The following REEP5 variants were observed in gnomAD, a reference collection of about 807,000 sequenced individuals.
REEP5 encodes the protein receptor expression-enhancing protein 5.
REEP5 carries 24 observed loss-of-function variants against 22.4 expected under a neutral mutation model. The ratio of observed to expected loss-of-function variants is 1.07; its 90% CI spans 0.78 to 1.51. The LOEUF (loss-of-function observed/expected upper bound fraction) is 1.51. Ranked by LOEUF, REEP5 falls within the 40% of genes most tolerant of loss-of-function variation. The pLI is 0.00. For synonymous variants in REEP5, 103 were observed against 88.6 expected, an observed-to-expected ratio of 1.16 and a Z score of -0.92; for missense variants, 252 against 233.0, an observed-to-expected ratio of 1.08 and a Z score of -0.53.
chr5:112,914,523 T>G (rs1769189914), intron 2 of REEP5, among the ~76,000 whole-genome samples: 1 of 152,078 alleles, frequency 6.6e-6, no homozygotes, highest in Non-Finnish European at 1.5e-5. Flanking sequence ...TTTGAATGAT[T>G]GATGGTAAAA....
At chr5:112,921,956 G>A (rs1769382661) in intron 1 of REEP5, 117 bp downstream of exon 1, 5 of 1,290,764 alleles carry the variant, frequency 3.9e-6, no homozygotes, top group East Asian at 5.9e-5. Flanking sequence ...TATGCTGCTT[G>A]TCCCGTCTGT....
intron 2 of REEP5, among the ~76,000 whole-genome samples, chr5:112,919,899 A>T (rs1769314289): frequency 6.6e-6 from 1 of 152,208 alleles, no homozygotes; most frequent in Non-Finnish European, 1.5e-5. Flanking sequence ...ACTAAAGACC[A>T]CCATTTTCAA....
At position 112,910,953 on chromosome 5, in the gene REEP5, T is replaced by C. The variant is rs191222044; in HGVS notation, c.213-8435A>G. On this transcript the variant is annotated intron_variant, in intron 2 of 4. Coordinates refer to ENST00000379638, the MANE Select transcript of REEP5 (RefSeq NM_005669.5). ...GTACAAATCCACCATGGTAATCCCA[T>C]TGCTTTTTGCTAGATACTGACTTTC... 2.0e-3 allele frequency among the ~76,000 whole-genome samples: 308 copies of C among 152,326 alleles called. 1 individual carries two copies. The highest frequency in any genetic ancestry group is 7.1e-3 in the African/African-American group (296 of 41,586).
rs369321028 is a variant in REEP5, at chr5:112,922,224, T to C, written c.-34A>G. On this transcript the variant is annotated 5_prime_UTR_variant, in exon 1 of 5. Transcript: ENST00000379638. ...CCGTCTCGCCGCTCGGGGCTGTTCC[T>C]AGTGCCGGATAGACTGGAGCGGCGA... is the stretch of plus-strand genomic sequence containing the variant. 36 of 1,576,408 alleles carry C rather than the reference T, an allele frequency of 2.3e-5. No homozygotes were observed. Among genetic ancestry groups the C allele is most frequent in the Non-Finnish European group, 2.8e-5 (33 of 1,161,840 alleles).
Position 112,879,714 on chromosome 5 carries a change from G to A in REEP5, c.521-879C>T, listed in dbSNP as rs977832905. Among the ~76,000 whole-genome samples, 6 of 152,104 alleles carry A rather than the reference G, an allele frequency of 3.9e-5. No homozygotes were observed. The East Asian group carries it at 9.8e-4, about 25-fold the overall frequency. On this transcript the variant is annotated intron_variant, in intron 4 of 4. Coordinates refer to ENST00000379638, the MANE Select transcript of REEP5 (RefSeq NM_005669.5). ...GATGGTCTCAATTTCCTGACCTCGT[G>A]ATCTGCCCGCCTTGGCCTCCCAAAG...
chr5:112,888,590 AT>A (rs199634306), intron 3 of REEP5, among the ~76,000 whole-genome samples: 1 of 120,076 alleles, frequency 8.3e-6, no homozygotes, highest in Non-Finnish European at 1.7e-5. Flanking sequence ...GGCCTGGCTA[AT>A]TTTTTATAAC....
chr5:112,888,853 A>T (rs907788236), intron 3 of REEP5, among the ~76,000 whole-genome samples: 1 of 150,596 alleles, frequency 6.6e-6, no homozygotes, highest in Non-Finnish European at 1.5e-5. Context: ...CCCCACCCAA[A>T]TCTCATCTTG....
At chr5:112,905,780 T>C (rs1700414645) in intron 2 of REEP5, among the ~76,000 whole-genome samples, 1 of 151,942 alleles carries the variant, frequency 6.6e-6, no homozygotes, top group African/African-American at 2.4e-5. Context: ...ATCATCATGC[T>C]TGGCTAACTT....
chr5:112,912,202 A>T (rs1293968821), intron 2 of REEP5, among the ~76,000 whole-genome samples: 1 of 152,186 alleles, frequency 6.6e-6, no homozygotes, highest in Non-Finnish European at 1.5e-5. Flanking sequence ...GGTAATAATC[A>T]GCTCCATATA....
intron 3 of REEP5, among the ~76,000 whole-genome samples, 187 bp from the exon 4 acceptor site, chr5:112,887,370 G>T (rs576724538): frequency 6.6e-6 from 1 of 152,302 alleles, no homozygotes; most frequent in African/African-American, 2.4e-5. Context: ...TGAGTAATGA[G>T]CTGGTAAGGA....
At chr5:112,891,957 A>G in intron 3 of REEP5, 1 of 1,233,528 alleles carries the variant, frequency 8.1e-7, no homozygotes, top group Non-Finnish European at 1.2e-6. Context: ...AATGGCTAGA[A>G]GAACAAGAGA....
rs993068977 is a variant in REEP5 at position 112,876,865 on chromosome 5, A to T, written c.*1921T>A. On this transcript the variant is annotated 3_prime_UTR_variant, in exon 5 of 5. Coordinates refer to ENST00000379638, the MANE Select transcript of REEP5 (RefSeq NM_005669.5). Reference sequence around the variant, plus strand: ...CATTCAGAATTTAATATAGTATTTTAAAACTAATTTTAGCCTGTAAGTCAT... The same window carrying T: ...CATTCAGAATTTAATATAGTATTTTTAAACTAATTTTAGCCTGTAAGTCAT... 2 of 152,182 alleles carry T rather than the reference A, an allele frequency of 1.3e-5. No individual in the cohort carries two copies. The highest frequency in any genetic ancestry group is 2.4e-5 in the African/African-American group (1 of 41,450). 9.4% of individuals were successfully genotyped at this position (152,182 alleles called of 1,614,324 possible).
rs1022923862 is a variant in REEP5, at chr5:112,877,362, C to G, written c.*1424G>C. The G allele has an allele frequency of 6.6e-6, 1 of 152,186 alleles. No individual in the cohort carries two copies. Among genetic ancestry groups the G allele is most frequent in the Non-Finnish European group, 1.5e-5 (1 of 68,034 alleles). The allele number at this position is 152,186 out of a possible 1,614,324, so 9.4% of individuals were successfully genotyped here. A position where few individuals can be genotyped will look rare whatever the true frequency, so the allele number is the denominator to read the frequency against. ...TTAATCTTGTTAGTTTAGTTATACA[C>G]TTGTTTTAGTCGAGTTTAATTCAAA... On this transcript the variant is annotated 3_prime_UTR_variant, in exon 5 of 5. Coordinates refer to ENST00000379638, the MANE Select transcript of REEP5 (RefSeq NM_005669.5).
intron 3 of REEP5, chr5:112,892,354 C>T (rs1355988311): frequency 3.0e-5 from 49 of 1,613,964 alleles, no homozygotes; most frequent in Non-Finnish European, 3.9e-5. Context: ...AGAAACCTAC[C>T]AACAGTTCCT....
intron 2 of REEP5, among the ~76,000 whole-genome samples, chr5:112,906,214 C>A (rs530556131): frequency 8.5e-4 from 130 of 152,212 alleles, no homozygotes; most frequent in African/African-American, 3.1e-3. Flanking sequence ...GGTATTGTTC[C>A]TGTATTTGAG....
In REEP5 at chr5:112,877,856, C is replaced by G. The variant is rs962786072; in HGVS notation, c.*930G>C. 3.3e-5 allele frequency: 5 copies of G among 152,120 alleles called. No individual in the cohort carries two copies. Among genetic ancestry groups the G allele is most frequent in the Non-Finnish European group, 5.9e-5 (4 of 68,018 alleles). 9.4% of individuals were successfully genotyped at this position (152,120 alleles called of 1,614,324 possible). A position where few individuals can be genotyped will look rare whatever the true frequency, so the allele number is the denominator to read the frequency against. ...AGAAGACTAAATCAACATGTTTCTC[C>G]GCTTTGAAGATAAAACCAGAAATGG... On this transcript the variant is annotated 3_prime_UTR_variant, in exon 5 of 5. Coordinates refer to ENST00000379638, the MANE Select transcript of REEP5 (RefSeq NM_005669.5).
chr5:112,904,033 T>G (rs560499528), intron 2 of REEP5, among the ~76,000 whole-genome samples: 1 of 152,212 alleles, frequency 6.6e-6, no homozygotes, highest in Non-Finnish European at 1.5e-5. Flanking sequence ...GGTCTCACTG[T>G]GTTGCCCAGG....
In REEP5 at chr5:112,878,652, A is replaced by G; in HGVS notation, c.*134T>C. The stretch of plus-strand genomic sequence containing the variant: ...AAAAGTAAGCAAAGAAACTTACAAC[A>G]CATTCCAATCTTTAATATCTCAAAA... On this transcript the variant is annotated 3_prime_UTR_variant, in exon 5 of 5. Transcript: ENST00000379638. 7.7e-7 allele frequency: 1 copy of G among 1,291,582 alleles called. No homozygotes were observed. Among genetic ancestry groups the G allele is most frequent in the Non-Finnish European group, 1.1e-6 (1 of 938,748 alleles). The allele number at this position is 1,291,582 out of a possible 1,614,324, so 80.0% of individuals were successfully genotyped here. A position where few individuals can be genotyped will look rare whatever the true frequency, so the allele number is the denominator to read the frequency against.
intron 2 of REEP5, 44 bp downstream of exon 2, chr5:112,921,119 G>A (rs1199723240): frequency 1.9e-6 from 3 of 1,576,822 alleles, no homozygotes; most frequent in Non-Finnish European, 2.6e-6. Flanking sequence ...CTGCGGGGAG[G>A]AATGGAGGAA....
Sources: allele counts gnomAD v4.1 joint callset (sites outside exome capture counted in the v4.1 genomes callset), GRCh38; gene constraint gnomAD v4.1.1; transcripts MANE v1.5; gene names NCBI Gene and HGNC (gene_info 2026-07-23, HGNC 2026-07-21).